Variants in YAP1 observed in about 807,000 individuals in gnomAD.
YAP1 encodes the protein Yes1 associated transcriptional regulator, also known as transcriptional coactivator YAP1.
YAP1 carries 5 observed loss-of-function variants against 56.9 expected under a neutral mutation model. That is an observed-to-expected ratio of 0.09 (90% confidence interval 0.05 to 0.18). The LOEUF is 0.18. YAP1 is among the 10% of genes least tolerant of loss of function. YAP1 has a pLI of 1.00. For missense variants in YAP1, 539 were observed against 651.8 expected (o/e 0.83, Z 1.88); for synonymous variants, 265 against 248.1 (o/e 1.07, Z -0.64).
intron 4 of YAP1, among the ~76,000 whole-genome samples, chr11:102,189,128 T>A (rs948057983): frequency 6.6e-6 from 1 of 152,092 alleles, no homozygotes; most frequent in African/African-American, 2.4e-5. Flanking sequence ...AAGAAAATGG[T>A]TCCTTGAGTA....
intron 4 of YAP1, among the ~76,000 whole-genome samples, chr11:102,194,328 G>C (rs1229004885): frequency 6.6e-6 from 1 of 152,100 alleles, no homozygotes; most frequent in East Asian, 1.9e-4. Flanking sequence ...GAAGGAGAGT[G>C]GTTCAGATTC....
intron 2 of YAP1, among the ~76,000 whole-genome samples, chr11:102,141,668 C>G (rs891225255): frequency 6.6e-6 from 1 of 152,160 alleles, no homozygotes; most frequent in African/African-American, 2.4e-5. Flanking sequence ...TTTGCTTTAT[C>G]TGTCATGGTT....
At chr11:102,123,698 G>T (rs2135180358) in intron 2 of YAP1, among the ~76,000 whole-genome samples, 1 of 146,020 alleles carries the variant, frequency 6.8e-6, no homozygotes, top group African/African-American at 2.5e-5. Context: ...GGAGTGCAGT[G>T]GCTCGATCTC....
chr11:102,209,961 A>G (rs949454408), intron 6 of YAP1, among the ~76,000 whole-genome samples: 3 of 152,250 alleles, frequency 2.0e-5, no homozygotes, highest in Admixed American at 1.3e-4. Flanking sequence ...TGGATAGGCT[A>G]CTTTAGGAAA....
chr11:102,225,821 ATTGT>A (rs990693711), intron 7 of YAP1, among the ~76,000 whole-genome samples: 3 of 152,188 alleles, frequency 2.0e-5, no homozygotes, highest in African/African-American at 7.2e-5. Context: ...CTCACAAAAC[ATTGT>A]TTGTAGGTGG....
chr11:102,165,652 A>C (rs1188508138), intron 3 of YAP1, among the ~76,000 whole-genome samples: 1 of 152,116 alleles, frequency 6.6e-6, no homozygotes, highest in African/African-American at 2.4e-5. Flanking sequence ...AAGGTATTTA[A>C]CAATAATAAT....
chr11:102,215,612 A>G (rs1021895078), intron 6 of YAP1, among the ~76,000 whole-genome samples: 5 of 152,024 alleles, frequency 3.3e-5, no homozygotes, highest in African/African-American at 1.2e-4. Context: ...AGTAGTTGGG[A>G]TTAGAGGCGC....
At chr11:102,147,879 C>G (rs1157716923) in intron 2 of YAP1, among the ~76,000 whole-genome samples, 1 of 152,012 alleles carries the variant, frequency 6.6e-6, no homozygotes, top group African/African-American at 2.4e-5. Flanking sequence ...TCATCTATAC[C>G]ACAGGCTTTA....
At chr11:102,192,531 C>T (rs1387790075) in intron 4 of YAP1, among the ~76,000 whole-genome samples, 1 of 152,142 alleles carries the variant, frequency 6.6e-6, no homozygotes, top group East Asian at 1.9e-4. Context: ...GAAAAATTTA[C>T]CTTCTCAGTT....
intron 2 of YAP1, among the ~76,000 whole-genome samples, chr11:102,161,927 A>T (rs1352112338): frequency 6.6e-6 from 1 of 152,262 alleles, no homozygotes. Context: ...TTCAGGAGCC[A>T]CAGGGGAAAA....
intron 4 of YAP1, 21 bp from the exon 5 acceptor site, chr11:102,205,872 T>G: frequency 6.8e-7 from 1 of 1,476,458 alleles, no homozygotes; most frequent in Non-Finnish European, 9.0e-7. Flanking sequence ...AGGACAGATT[T>G]TTTTTTTCTT....
At chr11:102,112,515 T>C (rs930827070) in intron 1 of YAP1, 10 of 982,242 alleles carry the variant, frequency 1.0e-5, no homozygotes, top group Admixed American at 6.3e-5. Context: ...TTCCAAATAC[T>C]GCAATGTAGT....
chr11:102,181,455 T>C (rs1036592693), intron 3 of YAP1, among the ~76,000 whole-genome samples: 4 of 151,528 alleles, frequency 2.6e-5, no homozygotes, highest in African/African-American at 9.7e-5. Context: ...CAAAAATAAA[T>C]AAATAAATAA....
rs529751722 is a variant in YAP1 at position 102,193,861 on chromosome 11, C to T, written c.802+7730C>T. Among the ~76,000 whole-genome samples, 6 of 146,920 alleles carry T rather than the reference C, an allele frequency of 4.1e-5. No homozygotes were observed. In the South Asian group the frequency reaches 8.5e-4, roughly 21 times the overall value. On this transcript the variant is annotated intron_variant, in intron 4 of 8. Transcript: ENST00000282441. ...GATTTTTGTTTTTTTTTTTTTGAGACGGAGTCTCGCTCTGTCGCCCAGGCT... is the reference window on the plus strand; with the variant it reads ...GATTTTTGTTTTTTTTTTTTTGAGATGGAGTCTCGCTCTGTCGCCCAGGCT...
chr11:102,111,308 A>AGAG, intron 1 of YAP1, 139 bp downstream of exon 1: 1 of 889,714 alleles, frequency 1.1e-6, no homozygotes, highest in Non-Finnish European at 1.6e-6. Flanking sequence ...CCCGAGGCGA[A>AGAG]GTGGAACTGG....
intron 4 of YAP1, among the ~76,000 whole-genome samples, chr11:102,189,792 T>C (rs1222463027): frequency 6.6e-6 from 1 of 152,218 alleles, no homozygotes; most frequent in Non-Finnish European, 1.5e-5. Flanking sequence ...TACAAATACC[T>C]ATATGCAATT....
chr11:102,137,365 A>G (rs1353012478), intron 2 of YAP1, among the ~76,000 whole-genome samples: 2 of 152,204 alleles, frequency 1.3e-5, no homozygotes, highest in Non-Finnish European at 2.9e-5. Flanking sequence ...TTAATATACT[A>G]CATCTCTCTC....
At chr11:102,166,987 C>CT (rs1321366386) in intron 3 of YAP1, among the ~76,000 whole-genome samples, 3 of 152,170 alleles carry the variant, frequency 2.0e-5, no homozygotes, top group Admixed American at 6.5e-5. Flanking sequence ...TTATGAAACT[C>CT]TATTTTGTTT....
In YAP1 at chr11:102,162,452, T is replaced by G. The variant is rs1280084361; in HGVS notation, c.573-4T>G. The G allele has an allele frequency of 6.2e-7, 1 of 1,613,770 alleles. No individual in the cohort carries two copies. Among genetic ancestry groups the G allele is most frequent in the East Asian group, 2.2e-5 (1 of 44,892 alleles). On this transcript the variant is annotated splice_polypyrimidine_tract_variant and splice_region_variant and intron_variant, in intron 2 of 8. Coordinates refer to ENST00000282441, the MANE Select transcript of YAP1 (RefSeq NM_001130145.3). ...TCCTAATGCAGTGGTTTGTTTTGTC[T>G]TAGTCACATCGATCAGACAACAACA...
Sources: gnomAD v4.1 joint callset for allele counts (sites outside exome capture counted in the v4.1 genomes callset) on GRCh38, gnomAD v4.1.1 for gene constraint, MANE v1.5 for transcripts, NCBI Gene and HGNC (gene_info 2026-07-23, HGNC 2026-07-21) for gene names.